The following OXR1 variants were observed in gnomAD, a reference collection of about 807,000 sequenced individuals.
OXR1 encodes the protein oxidation resistance protein 1.
Under a neutral mutation model 104.6 loss-of-function variants are expected in OXR1, and 41 were observed. The observed-to-expected ratio is 0.39, with a 90% CI of 0.31 to 0.51. The LOEUF is 0.51. OXR1 is among the 20% of genes least tolerant of loss of function. The pLI is 0.77. For synonymous variants in OXR1, 348 were observed against 348.4 expected, an observed-to-expected ratio of 1.00 and a Z score of 0.01; for missense variants, 955 against 1,031.9, an observed-to-expected ratio of 0.93 and a Z score of 1.02.
intron 2 of OXR1, among the ~76,000 whole-genome samples, chr8:106,496,980 A>C (rs900867738): frequency 1.3e-5 from 2 of 152,180 alleles, no homozygotes; most frequent in African/African-American, 4.8e-5. Flanking sequence ...AGAGATACTT[A>C]AGATCCTGGG....
chr8:106,281,799 CAAAAAAAAA>C (rs59515650), intron 1 of OXR1, among the ~76,000 whole-genome samples: 5 of 62,924 alleles, frequency 7.9e-5, no homozygotes, highest in Admixed American at 5.5e-4. Context: ...GACTCTATCT[CAAAAAAAAA>C]AAAAAAAAAA....
intron 2 of OXR1, among the ~76,000 whole-genome samples, chr8:106,382,696 T>TTG: frequency 6.8e-6 from 1 of 146,388 alleles, no homozygotes; most frequent in African/African-American, 2.6e-5. Context: ...TTTTTTTTTT[T>TTG]TTTTTTTTTT....
chr8:106,596,769 A>T (rs1294696453), intron 3 of OXR1, among the ~76,000 whole-genome samples: 1 of 151,940 alleles, frequency 6.6e-6, no homozygotes, highest in East Asian at 1.9e-4. Flanking sequence ...TAGTACGTGG[A>T]TGGGGCCGGG....
At chr8:106,695,723 A>G (rs780809901) in intron 7 of OXR1, among the ~76,000 whole-genome samples, 1 of 152,140 alleles carries the variant, frequency 6.6e-6, no homozygotes, top group Non-Finnish European at 1.5e-5. Context: ...CGGCACGTTT[A>G]TGTACATTTT....
chr8:106,558,725 C>G (rs1048862893), intron 3 of OXR1, among the ~76,000 whole-genome samples: 5 of 152,026 alleles, frequency 3.3e-5, no homozygotes, highest in African/African-American at 1.2e-4. Context: ...AAATCTTTTC[C>G]AAAATCATAA....
At chr8:106,396,730 C>G (rs1463957115) in intron 2 of OXR1, among the ~76,000 whole-genome samples, 1 of 151,846 alleles carries the variant, frequency 6.6e-6, no homozygotes, top group South Asian at 2.1e-4. Context: ...ATGGTAAAAA[C>G]CGCTATTACT....
chr8:106,646,876 T>G (rs1484375344), intron 3 of OXR1, among the ~76,000 whole-genome samples: 1 of 152,366 alleles, frequency 6.6e-6, no homozygotes, highest in East Asian at 1.9e-4. Context: ...TAAAGCTTTA[T>G]TGAGTTTTCA....
At chr8:106,711,212 G>A (rs1831648414) in intron 10 of OXR1, among the ~76,000 whole-genome samples, 2 of 151,828 alleles carry the variant, frequency 1.3e-5, no homozygotes, top group Admixed American at 1.3e-4. Context: ...CACAATATTT[G>A]TGTGTACCCT....
At chr8:106,650,456 T>G (rs901678980) in intron 3 of OXR1, among the ~76,000 whole-genome samples, 1 of 152,210 alleles carries the variant, frequency 6.6e-6, no homozygotes, top group African/African-American at 2.4e-5. Flanking sequence ...AGATCACATT[T>G]TTCTTACTGA....
At chr8:106,341,387 C>CTA (rs1254416772) in intron 1 of OXR1, among the ~76,000 whole-genome samples, 1 of 101,832 alleles carries the variant, frequency 9.8e-6, no homozygotes, top group African/African-American at 5.8e-5. Flanking sequence ...ATTAGTCAAT[C>CTA]TACATATATA....
chr8:106,352,484 C>T (rs1389941370), intron 1 of OXR1, among the ~76,000 whole-genome samples: 1 of 152,014 alleles, frequency 6.6e-6, no homozygotes, highest in South Asian at 2.1e-4. Flanking sequence ...GGTATTTATC[C>T]ACAAATATAA....
intron 3 of OXR1, among the ~76,000 whole-genome samples, chr8:106,538,638 G>A (rs1305456987): frequency 6.6e-6 from 1 of 152,128 alleles, no homozygotes; most frequent in Non-Finnish European, 1.5e-5. Context: ...ATTAAAATGA[G>A]CAACCTTTGT....
chr8:106,672,416 G>A (rs1325400806), intron 3 of OXR1, among the ~76,000 whole-genome samples: 2 of 151,958 alleles, frequency 1.3e-5, no homozygotes, highest in Non-Finnish European at 2.9e-5. Flanking sequence ...CAACCTGGGA[G>A]GTTGGGGTTG....
intron 2 of OXR1, among the ~76,000 whole-genome samples, chr8:106,493,082 T>G (rs1456713444): frequency 1.3e-5 from 2 of 152,168 alleles, no homozygotes; most frequent in East Asian, 3.8e-4. Context: ...TCATAGTAAA[T>G]TTTTCTAAAA....
intron 15 of OXR1, among the ~76,000 whole-genome samples, chr8:106,742,697 A>G (rs1228102920): frequency 6.6e-6 from 1 of 152,190 alleles, no homozygotes; most frequent in African/African-American, 2.4e-5. Context: ...AGCAATAGGG[A>G]AAGGATTCCC....
At chr8:106,492,352 A>G (rs1378211122) in intron 2 of OXR1, among the ~76,000 whole-genome samples, 1 of 152,192 alleles carries the variant, frequency 6.6e-6, no homozygotes, top group African/African-American at 2.4e-5. Flanking sequence ...GAAAACTTTA[A>G]AAAGAAAGCT....
intron 2 of OXR1, among the ~76,000 whole-genome samples, chr8:106,493,985 A>T (rs1811263174): frequency 6.6e-6 from 1 of 152,214 alleles, no homozygotes; most frequent in Non-Finnish European, 1.5e-5. Context: ...CTTTATAAAA[A>T]GGAGATGATG....
intron 1 of OXR1, among the ~76,000 whole-genome samples, chr8:106,315,199 C>G (rs1295222739): frequency 1.3e-5 from 2 of 151,166 alleles, no homozygotes; most frequent in Non-Finnish European, 2.9e-5. Context: ...TTTGTTTTAC[C>G]TCTTTGGAGC....
intron 2 of OXR1, among the ~76,000 whole-genome samples, chr8:106,455,555 T>C (rs1306051565): frequency 6.6e-6 from 1 of 151,752 alleles, no homozygotes; most frequent in Non-Finnish European, 1.5e-5. Flanking sequence ...GAATTCCTGA[T>C]GTTAGTCATG....
Sources: gnomAD v4.1 joint callset for allele counts (sites outside exome capture counted in the v4.1 genomes callset) on GRCh38, gnomAD v4.1.1 for gene constraint, MANE v1.5 for transcripts, NCBI Gene and HGNC (gene_info 2026-07-23, HGNC 2026-07-21) for gene names.